Variants in L3MBTL3 observed in about 807,000 individuals in gnomAD.
L3MBTL3 encodes the protein lethal(3)malignant brain tumor-like protein 3.
Under a neutral mutation model 102.3 loss-of-function variants are expected in L3MBTL3, and 27 were observed. That is an observed-to-expected ratio of 0.26 (90% CI 0.19 to 0.36). The LOEUF (loss-of-function observed/expected upper bound fraction) is 0.36. L3MBTL3 is among the 10% of genes least tolerant of loss of function. The probability of loss-of-function intolerance (pLI) is 1.00; values close to 1 mark genes in which losing one functional copy is unlikely to be tolerated. For synonymous variants in L3MBTL3, 340 were observed against 320.9 expected, an observed-to-expected ratio of 1.06 and a Z score of -0.64; for missense variants, 798 against 955.3, an observed-to-expected ratio of 0.84 and a Z score of 2.17.
chr6:130,090,840 G>T (rs1783996027), intron 16 of L3MBTL3, among the ~76,000 whole-genome samples: 1 of 151,928 alleles, frequency 6.6e-6, no homozygotes, highest in African/African-American at 2.4e-5. Flanking sequence ...TCCCTCCTTG[G>T]CCTCCCAAAG....
intron 19 of L3MBTL3, among the ~76,000 whole-genome samples, chr6:130,106,959 A>C (rs1016323640): frequency 1.3e-5 from 2 of 152,216 alleles, no homozygotes; most frequent in Admixed American, 6.5e-5. Flanking sequence ...CATGTGTCTT[A>C]ATCATGTCAA....
intron 19 of L3MBTL3, among the ~76,000 whole-genome samples, chr6:130,105,214 C>T (rs921749076): frequency 1.3e-5 from 2 of 152,092 alleles, no homozygotes; most frequent in African/African-American, 4.8e-5. Flanking sequence ...TAGGTTTTGG[C>T]TTTCTCTTTT....
intron 2 of L3MBTL3, among the ~76,000 whole-genome samples, chr6:130,025,098 C>T (rs2114475922): frequency 8.5e-6 from 1 of 117,448 alleles, no homozygotes; most frequent in Middle Eastern, 4.9e-3. Context: ...AGTGTGTTCA[C>T]AAGGTAACTT....
chr6:130,122,592 G>A lies in L3MBTL3; in HGVS notation c.1966+1634G>A, dbSNP rs184040801. Among the ~76,000 whole-genome samples the A allele has an allele frequency of 2.8e-4, 42 of 152,314 alleles. No individual in the cohort carries two copies. In the East Asian group the frequency reaches 7.5e-3, roughly 27 times the overall value. ...TAGAACAGTGCCTGGCACATAGAAA[G>A]TGCTATGCAAGTATTCGATTATTTA... On this transcript the variant is annotated intron_variant, in intron 20 of 22. Coordinates refer to ENST00000361794, the MANE Select transcript of L3MBTL3 (RefSeq NM_032438.4).
At chr6:130,097,376 A>G (rs749249168) in intron 18 of L3MBTL3, among the ~76,000 whole-genome samples, 8 of 152,252 alleles carry the variant, frequency 5.3e-5, no homozygotes, top group Non-Finnish European at 1.2e-4. Context: ...TGCATAGATA[A>G]CAAAGAAAGT....
At chr6:130,025,215 C>G (rs182992381) in intron 2 of L3MBTL3, among the ~76,000 whole-genome samples, 9 of 152,264 alleles carry the variant, frequency 5.9e-5, no homozygotes, top group Admixed American at 3.3e-4. Flanking sequence ...AAGATAGTGT[C>G]TTTAGAGAGA....
chr6:130,104,592 T>C lies in L3MBTL3; in HGVS notation c.1886+17T>C. 1 of 1,539,226 alleles carries C rather than the reference T, an allele frequency of 6.5e-7. No individual in the cohort carries two copies. On this transcript the variant is annotated intron_variant, in intron 19 of 22. Coordinates refer to ENST00000361794, the MANE Select transcript of L3MBTL3 (RefSeq NM_032438.4). ...TGAAATCAGGTAATCAAAGAGCTAATATTAGCATTGTTTAGAAGTACTCTA... is the reference window on the plus strand; with the variant it reads ...TGAAATCAGGTAATCAAAGAGCTAACATTAGCATTGTTTAGAAGTACTCTA...
intron 2 of L3MBTL3, among the ~76,000 whole-genome samples, chr6:130,030,584 G>A (rs183867443): frequency 3.9e-4 from 59 of 149,676 alleles, no homozygotes; most frequent in Non-Finnish European, 7.1e-4. Flanking sequence ...GGAGAATGGC[G>A]TGAACCTGGG....
chr6:130,125,006 C>T (rs1786499916), intron 20 of L3MBTL3, among the ~76,000 whole-genome samples: 1 of 151,976 alleles, frequency 6.6e-6, no homozygotes, highest in South Asian at 2.1e-4. Flanking sequence ...CTTAACAGCT[C>T]ATTTGGTAAC....
At position 130,019,684 on chromosome 6, in the gene L3MBTL3, C is replaced by T. The variant is rs376383249; in HGVS notation, c.-95+1020C>T. On this transcript the variant is annotated intron_variant, in intron 1 of 22. Coordinates refer to ENST00000361794, the MANE Select transcript of L3MBTL3 (RefSeq NM_032438.4). ...GCTCGGCGGCCGAGAGTTTGCGTGG[C>T]TTCCTCGCCGCCTCCCTCTTCCCAA... is the stretch of plus-strand genomic sequence containing the variant. Among the ~76,000 whole-genome samples the T allele has an allele frequency of 3.2e-4, 48 of 151,332 alleles. No individual in the cohort carries two copies. In the East Asian group the frequency reaches 9.5e-3, roughly 30 times the overall value.
At chr6:130,121,963 T>C (rs1786246993) in intron 20 of L3MBTL3, among the ~76,000 whole-genome samples, 1 of 152,126 alleles carries the variant, frequency 6.6e-6, no homozygotes, top group South Asian at 2.1e-4. Flanking sequence ...GGAGAATCAA[T>C]TGAACCTCGG....
At chr6:130,079,013 A>T (rs1783141373) in intron 14 of L3MBTL3, among the ~76,000 whole-genome samples, 1 of 152,138 alleles carries the variant, frequency 6.6e-6, no homozygotes, top group Non-Finnish European at 1.5e-5. Flanking sequence ...TCATTTCTAG[A>T]CTTTATATTA....
chr6:130,086,417 C>T (rs879145298), intron 16 of L3MBTL3, among the ~76,000 whole-genome samples, 167 bp downstream of exon 16: 9 of 152,088 alleles, frequency 5.9e-5, no homozygotes, highest in Non-Finnish European at 1.2e-4. Flanking sequence ...CCAGGTTTGT[C>T]CTTTAATCTG....
chr6:130,045,800 T>C (rs1027512358), intron 3 of L3MBTL3, among the ~76,000 whole-genome samples: 2 of 152,112 alleles, frequency 1.3e-5, no homozygotes, highest in African/African-American at 2.4e-5. Context: ...ATGAATACTT[T>C]AGGGAGGAAG....
intron 19 of L3MBTL3, among the ~76,000 whole-genome samples, chr6:130,118,564 A>G (rs2115473267): frequency 6.6e-6 from 1 of 152,304 alleles, no homozygotes; most frequent in Admixed American, 6.5e-5. Context: ...CCTCAGGGGT[A>G]TAGGCGCTTT....
rs555366933 is a variant in L3MBTL3 at position 130,072,252 on chromosome 6, A to G, written c.1244+1125A>G. 7.9e-4 allele frequency among the ~76,000 whole-genome samples: 121 copies of G among 152,270 alleles called. 3 individuals carry two copies. In the South Asian group the frequency reaches 0.024, roughly 31 times the overall value. ...AATTGTATAAATGCTGTGTAAATAC[A>G]TAGCATTTACATTGTATTAGGTATT... is the stretch of plus-strand genomic sequence containing the variant. On this transcript the variant is annotated intron_variant, in intron 13 of 22. Transcript: ENST00000361794.
intron 19 of L3MBTL3, among the ~76,000 whole-genome samples, chr6:130,116,930 A>G (rs1199202042): frequency 4.5e-5 from 5 of 110,928 alleles, no homozygotes; most frequent in African/African-American, 1.4e-4. Context: ...TATTTTTTTT[A>G]TTTTTTTTTC....
chr6:130,102,941 C>A (rs1205436802), intron 18 of L3MBTL3, among the ~76,000 whole-genome samples: 2 of 152,200 alleles, frequency 1.3e-5, no homozygotes, highest in Admixed American at 6.5e-5. Context: ...CTCCGTGAAA[C>A]CAGAGAGCTG....
At chr6:130,104,395 CTT>C (rs376203297) in intron 18 of L3MBTL3, 29 bp from the exon 19 acceptor site, 6 of 1,334,190 alleles carry the variant, frequency 4.5e-6, no homozygotes, top group South Asian at 1.6e-5. Context: ...GTTCAATGTT[CTT>C]TTTTTTTTCT....
Sources: gnomAD v4.1 joint callset for allele counts (sites outside exome capture counted in the v4.1 genomes callset) on GRCh38, gnomAD v4.1.1 for gene constraint, MANE v1.5 for transcripts, NCBI Gene and HGNC (gene_info 2026-07-23, HGNC 2026-07-21) for gene names.